Variants in MAP4K4 observed in about 807,000 individuals in gnomAD.
MAP4K4 encodes HPK/GCK-like kinase HGK.
Under a neutral mutation model 189.6 loss-of-function variants are expected in MAP4K4, and 38 were observed. That is an observed-to-expected ratio of 0.20 (90% confidence interval 0.15 to 0.26). The LOEUF (loss-of-function observed/expected upper bound fraction) is 0.26, where lower values mean the gene tolerates loss of function less well. Ranked by LOEUF, MAP4K4 falls within the 10% of genes least tolerant of loss-of-function variation. The probability of loss-of-function intolerance (pLI) is 1.00; values close to 1 mark genes in which losing one functional copy is unlikely to be tolerated. For synonymous variants in MAP4K4, 610 were observed against 624.3 expected (o/e 0.98, Z 0.34); for missense variants, 1,054 against 1,726.9 (o/e 0.61, Z 6.91).
intron 3 of MAP4K4, among the ~76,000 whole-genome samples, chr2:101,811,364 G>A (rs1223555034): frequency 3.5e-5 from 1 of 28,542 alleles, no homozygotes; most frequent in Non-Finnish European, 8.4e-5. Flanking sequence ...GAGTGAGACT[G>A]CGTCTCAAAA....
chr2:101,875,407 A>G (rs893225425), intron 26 of MAP4K4, among the ~76,000 whole-genome samples: 2 of 151,684 alleles, frequency 1.3e-5, no homozygotes, highest in Non-Finnish European at 2.9e-5. Context: ...CACTATGCCC[A>G]CAAGCATTGC....
At chr2:101,701,107 A>G (rs1259735585) in intron 2 of MAP4K4, among the ~76,000 whole-genome samples, 1 of 152,104 alleles carries the variant, frequency 6.6e-6, no homozygotes, top group East Asian at 1.9e-4. Flanking sequence ...ATTTTTAAAC[A>G]TAATTTCAGG....
exon 15 of MAP4K4, chr2:101,859,646 T>C (rs1295360049): frequency 6.2e-7 from 1 of 1,602,658 alleles, no homozygotes; most frequent in Non-Finnish European, 8.5e-7. Flanking sequence ...CTCCAAGGAG[T>C]GCCGATGGCG....
chr2:101,721,290 T>C (rs1419226025), intron 2 of MAP4K4, among the ~76,000 whole-genome samples: 1 of 152,160 alleles, frequency 6.6e-6, no homozygotes, highest in East Asian at 1.9e-4. Flanking sequence ...GGTGCATTTT[T>C]TTTTTCTCTA....
intron 6 of MAP4K4, among the ~76,000 whole-genome samples, chr2:101,830,010 C>A (rs1402828171): frequency 6.6e-6 from 1 of 151,488 alleles, no homozygotes; most frequent in African/African-American, 2.4e-5. Flanking sequence ...TCTTTTTTTT[C>A]TTTTCTTAAA....
intron 3 of MAP4K4, among the ~76,000 whole-genome samples, chr2:101,822,909 CTG>C (rs1275317353): frequency 6.6e-6 from 1 of 152,208 alleles, no homozygotes; most frequent in Non-Finnish European, 1.5e-5. Context: ...TGATCTTACA[CTG>C]TGCTTTTCTG....
chr2:101,825,376 G>C lies in MAP4K4; in HGVS notation c.364G>C (p.Gly122Arg). The change falls in exon 5 of 33, where the codon GGG becomes CGG. Residue 122 changes from glycine to arginine, a missense_variant. This residue lies in a region of MAP4K4 where 200 missense variants were observed against 509.0 expected (regional missense o/e 0.39). Coordinates refer to ENST00000324219, the Ensembl canonical transcript of MAP4K4. ...TACAGACCTTGTGAAGAACACCAAAGGGAACACACTCAAAGAAGACTGGAT... is the reference window on the plus strand; with the variant it reads ...TACAGACCTTGTGAAGAACACCAAACGGAACACACTCAAAGAAGACTGGAT... 1.2e-6 allele frequency: 2 copies of C among 1,613,584 alleles called. No homozygotes were observed. The highest frequency in any genetic ancestry group is 1.7e-6 in the Non-Finnish European group (2 of 1,179,666).
intron 2 of MAP4K4, among the ~76,000 whole-genome samples, chr2:101,773,823 A>G (rs2082628788): frequency 6.6e-6 from 1 of 152,230 alleles, no homozygotes; most frequent in East Asian, 1.9e-4. Context: ...CTAGAAGTAA[A>G]TGAACGTGCA....
intron 29 of MAP4K4, among the ~76,000 whole-genome samples, chr2:101,885,999 G>A (rs1204186097): frequency 6.6e-6 from 1 of 152,136 alleles, no homozygotes; most frequent in Non-Finnish European, 1.5e-5. Flanking sequence ...TTTTATTGAA[G>A]GGGTAGGTTT....
intron 2 of MAP4K4, among the ~76,000 whole-genome samples, chr2:101,723,480 CCT>C (rs1392189791): frequency 6.6e-6 from 1 of 152,124 alleles, no homozygotes; most frequent in Non-Finnish European, 1.5e-5. Flanking sequence ...TTTTGCCCAA[CCT>C]CTGGAGAACT....
exon 33 of MAP4K4, chr2:101,894,563 C>T (rs2098602657): frequency 2.0e-5 from 3 of 152,752 alleles, no homozygotes; most frequent in Non-Finnish European, 4.4e-5. Flanking sequence ...ATTATAAAAG[C>T]TGCAAAGCAG....
chr2:101,708,787 G>C (rs2043822240), intron 2 of MAP4K4, among the ~76,000 whole-genome samples: 1 of 152,170 alleles, frequency 6.6e-6, no homozygotes, highest in South Asian at 2.1e-4. Flanking sequence ...TTCCAACCCA[G>C]AGCCCCAGGC....
intron 17 of MAP4K4, among the ~76,000 whole-genome samples, chr2:101,864,253 T>C (rs1235686091): frequency 6.6e-6 from 1 of 152,232 alleles, no homozygotes; most frequent in Non-Finnish European, 1.5e-5. Context: ...GTTTTATTTT[T>C]GTTAACCCTA....
intron 2 of MAP4K4, among the ~76,000 whole-genome samples, chr2:101,760,019 A>G (rs1009667418): frequency 1.1e-4 from 17 of 151,388 alleles, no homozygotes; most frequent in African/African-American, 3.9e-4. Context: ...AATTTTTTGT[A>G]TTTTTTTGTA....
chr2:101,846,502 G>C (rs1057504263), intron 12 of MAP4K4, among the ~76,000 whole-genome samples: 2 of 152,208 alleles, frequency 1.3e-5, no homozygotes, highest in African/African-American at 2.4e-5. Context: ...GCTGTCACTA[G>C]TGAGACGAGT....
intron 3 of MAP4K4, among the ~76,000 whole-genome samples, chr2:101,796,068 C>T (rs1287950721): frequency 6.6e-6 from 1 of 152,116 alleles, no homozygotes; most frequent in East Asian, 1.9e-4. Flanking sequence ...TGAAACGGTG[C>T]TCTTTGGAGT....
At chr2:101,858,860 A>G (rs1168407121) in intron 13 of MAP4K4, 136 bp from the exon 14 acceptor site, 1 of 611,708 alleles carries the variant, frequency 1.6e-6, no homozygotes, top group East Asian at 2.8e-5. Flanking sequence ...TTAGCAATAG[A>G]TTTTCTTCAG....
intron 13 of MAP4K4, among the ~76,000 whole-genome samples, chr2:101,856,601 C>A (rs1009208267): frequency 6.6e-6 from 1 of 151,976 alleles, no homozygotes; most frequent in Non-Finnish European, 1.5e-5. Flanking sequence ...TCTGTATATA[C>A]ACAGCACATT....
intron 3 of MAP4K4, among the ~76,000 whole-genome samples, chr2:101,800,424 C>T (rs190024487): frequency 9.2e-5 from 14 of 152,230 alleles, no homozygotes; most frequent in East Asian, 3.9e-4. Flanking sequence ...GGAGAATTTC[C>T]GAAAGTGCTT....
Sources: gnomAD v4.1 joint callset for allele counts (sites outside exome capture counted in the v4.1 genomes callset) on GRCh38, gnomAD v4.1.1 for gene constraint, gnomAD v4.1.1 regional missense constraint, MANE v1.5 for transcripts, NCBI Gene and HGNC (gene_info 2026-07-23, HGNC 2026-07-21) for gene names.